The following MPG variants were observed in gnomAD, a reference collection of about 807,000 sequenced individuals.
MPG encodes DNA-3-methyladenine glycosylase.
MPG carries 33 observed loss-of-function variants against 31.7 expected under a neutral mutation model. The ratio of observed to expected loss-of-function variants is 1.04; its 90% confidence interval spans 0.79 to 1.39. The LOEUF (loss-of-function observed/expected upper bound fraction) is 1.39, where lower values mean the gene tolerates loss of function less well. Ranked by LOEUF, MPG falls within the 40% of genes most tolerant of loss-of-function variation. MPG has a pLI of 0.00. For synonymous variants in MPG, 202 were observed against 169.2 expected, an observed-to-expected ratio of 1.19 and a Z score of -1.51; for missense variants, 455 against 415.5, an observed-to-expected ratio of 1.10 and a Z score of -0.83.
intron 2 of MPG, among the ~76,000 whole-genome samples, chr16:82,318 A>G (rs1898273024): frequency 6.6e-6 from 1 of 152,172 alleles, no homozygotes; most frequent in African/African-American, 2.4e-5. Flanking sequence ...GGCCTTTGGC[A>G]CCACAGGGCT....
chr16:79,827 T>G, intron 2 of MPG, 127 bp downstream of exon 2: 1 of 1,095,254 alleles, frequency 9.1e-7, no homozygotes, highest in South Asian at 1.6e-5. Context: ...ATTTAGCGGC[T>G]TTGCTCACAC....
upstream of MPG, among the ~76,000 whole-genome samples, chr16:77,847 C>A (rs1299685384): frequency 6.6e-6 from 1 of 151,952 alleles, no homozygotes; most frequent in Non-Finnish European, 1.5e-5. Context: ...CCCCAAAGCA[C>A]GACCACTCCG....
upstream of MPG, among the ~76,000 whole-genome samples, chr16:77,689 G>A (rs940419936): frequency 2.0e-5 from 3 of 152,194 alleles, no homozygotes; most frequent in Admixed American, 6.5e-5. Flanking sequence ...TGACAACCCC[G>A]GCCAGGGGCG....
rs141383548 is a variant in MPG at position 83,964 on chromosome 16, G to A, written c.505+708G>A. On this transcript the variant is annotated intron_variant, in intron 3 of 3. Transcript: ENST00000356432. ...TTAGGGTCGGCGGAGGAGTCGGTGA[G>A]GAAAGGGAGGTTTGGCAGGAAGTGA... Among the ~76,000 whole-genome samples the A allele has an allele frequency of 3.3e-3, 508 of 152,270 alleles. 6 individuals are homozygous for A. The highest frequency in any genetic ancestry group is 0.012 in the African/African-American group (487 of 41,558).
chr16:85,367 G>A, intron 3 of MPG, 34 bp from the exon 4 acceptor site: 1 of 1,563,850 alleles, frequency 6.4e-7, no homozygotes, highest in African/African-American at 1.4e-5. Flanking sequence ...CAGGAGCCTA[G>A]GGAGGCTCCA....
chr16:83,798 A>C (rs1278818804), intron 3 of MPG, among the ~76,000 whole-genome samples: 1 of 151,688 alleles, frequency 6.6e-6, no homozygotes, highest in Admixed American at 6.6e-5. Flanking sequence ...GGCAGAAAGA[A>C]GGCCGAGGAC....
intron 2 of MPG, among the ~76,000 whole-genome samples, chr16:82,611 G>A (rs1473727908): frequency 6.6e-6 from 1 of 152,214 alleles, no homozygotes; most frequent in Non-Finnish European, 1.5e-5. Context: ...CTCTGGGATT[G>A]CCCAGGTAGC....
chr16:77,422 G>C (rs1285298201), upstream of MPG, among the ~76,000 whole-genome samples: 1 of 152,192 alleles, frequency 6.6e-6, no homozygotes, highest in Non-Finnish European at 1.5e-5. Context: ...GCATGGATCT[G>C]ACTTGAGAGG....
At position 79,813 on chromosome 16, in the gene MPG, A is replaced by G. The variant is rs3176389; in HGVS notation, c.300+113A>G. ...CCCTCAGTTAGTCCTCCTTGTCCTC[A>G]TGCATTTAGCGGCTTTGCTCACACT... On this transcript the variant is annotated intron_variant, in intron 2 of 3. Coordinates refer to ENST00000356432, the MANE Select transcript of MPG (RefSeq NM_001015052.3). 2.7e-4 allele frequency: 335 copies of G among 1,244,644 alleles called. 4 individuals carry two copies. The South Asian group carries it at 4.6e-3, about 17-fold the overall frequency. 77.1% of individuals were successfully genotyped at this position (1,244,644 alleles called of 1,614,324 possible). A position where few individuals can be genotyped will look rare whatever the true frequency, so the allele number is the denominator to read the frequency against.
At chr16:77,625 T>C (rs952884058), upstream of MPG, among the ~76,000 whole-genome samples, 1 of 152,196 alleles carries the variant, frequency 6.6e-6, no homozygotes, top group African/African-American at 2.4e-5. Context: ...ATGGGGGCTC[T>C]GCTGCAGAGG....
chr16:78,508 C>T (rs1423337556), intron 1 of MPG, among the ~76,000 whole-genome samples, 175 bp downstream of exon 1: 1 of 152,138 alleles, frequency 6.6e-6, no homozygotes, highest in Non-Finnish European at 1.5e-5. Context: ...GAGCAGTGGC[C>T]GCAGCGCCCG....
intron 2 of MPG, among the ~76,000 whole-genome samples, chr16:80,590 C>G (rs548923467): frequency 4.6e-5 from 7 of 152,216 alleles, no homozygotes; most frequent in East Asian, 3.9e-4. Flanking sequence ...GTGGGTGGAT[C>G]ACGAGGTCAG....
chr16:82,713 G>C (rs1898283875), intron 2 of MPG, among the ~76,000 whole-genome samples: 2 of 152,206 alleles, frequency 1.3e-5, no homozygotes, highest in South Asian at 4.1e-4. Context: ...CTTGGGAAAG[G>C]AGGAATCTGG....
upstream of MPG, chr16:78,223 C>T (rs1309572137): frequency 1.6e-6 from 2 of 1,249,226 alleles, no homozygotes. Flanking sequence ...CCGCTCCGCC[C>T]CGGTCCTAGG....
In MPG at chr16:85,403, G is replaced by T; in HGVS notation, c.508G>T (p.Asp170Tyr). 1 of 1,602,982 alleles carries T rather than the reference G, an allele frequency of 6.2e-7. No individual in the cohort carries two copies. ...CTTCCAAACTGTCCGTCCCACAGGG[G>T]ACGGGGCTTGCGTCTTGCTGCGAGC... ...YFCMNISSQG[D>Y]GACVLLRALE... Residue 170 changes from aspartate to tyrosine, a missense_variant and splice_region_variant, in exon 4 of 4, where the codon GAC (aspartate) becomes TAC (tyrosine). Coordinates refer to ENST00000356432, the MANE Select transcript of MPG (RefSeq NM_001015052.3).
At chr16:81,381 C>T (rs1898230533) in intron 2 of MPG, among the ~76,000 whole-genome samples, 1 of 152,174 alleles carries the variant, frequency 6.6e-6, no homozygotes, top group South Asian at 2.1e-4. Context: ...GTTGGGCCCC[C>T]CCAGTGTGCC....
In MPG at chr16:85,514, C is replaced by T. The variant is rs767632759; in HGVS notation, c.619C>T (p.Arg207Cys). The change falls in exon 4 of 4, where the codon CGC becomes TGC. Residue 207 changes from arginine (R) to cysteine (C), a missense_variant. By Grantham distance (180) the Arg-to-Cys change is radical (BLOSUM62 -3). Coordinates refer to ENST00000356432, the MANE Select transcript of MPG (RefSeq NM_001015052.3). ...KGTASRVLKD[R>C]ELCSGPSKLC... ...CACCGCCAGCCGTGTCCTCAAGGAC[C>T]GCGAGCTCTGCAGTGGCCCCTCCAA... 19 of 1,613,264 alleles carry T rather than the reference C, an allele frequency of 1.2e-5. No homozygotes were observed. Among genetic ancestry groups the T allele is most frequent in the Admixed American group, 5.0e-5 (3 of 60,010 alleles).
At chr16:80,490 C>T (rs887326002) in intron 2 of MPG, among the ~76,000 whole-genome samples, 4 of 152,164 alleles carry the variant, frequency 2.6e-5, no homozygotes, top group South Asian at 2.1e-4. Context: ...TGTCCCCATG[C>T]GGATCCTTCT....
At chr16:78,382 GGCGCAGCAGCGA>G (rs1464998437) in intron 1 of MPG, 49 bp downstream of exon 1, 6 of 1,185,660 alleles carry the variant, frequency 5.1e-6, no homozygotes, top group Non-Finnish European at 6.3e-6. Flanking sequence ...CCCACCCCCA[GGCGCAGCAGCGA>G]GCGCGGCCGC....
Sources: gnomAD v4.1 joint callset for allele counts (sites outside exome capture counted in the v4.1 genomes callset) on GRCh38, gnomAD v4.1.1 for gene constraint, MANE v1.5 for transcripts, NCBI Gene and HGNC (gene_info 2026-07-23, HGNC 2026-07-21) for gene names.